The following COL12A1 variants were observed in gnomAD, a reference collection of about 807,000 sequenced individuals.
COL12A1 encodes the protein collagen alpha-1(XII) chain.
COL12A1 carries 114 observed loss-of-function variants against 349.7 expected under a neutral mutation model. That is an observed-to-expected ratio of 0.33 (90% CI 0.28 to 0.38). The LOEUF is 0.38. Among genes scored for constraint, COL12A1 ranks in the 10% least tolerant of loss-of-function variants. The pLI, the probability that COL12A1 is intolerant of heterozygous loss-of-function variation, is 1.00. For synonymous variants in COL12A1, 1,369 were observed against 1,329.0 expected (o/e 1.03, Z -0.66); for missense variants, 3,284 against 3,756.9 (o/e 0.87, Z 3.29).
At chr6:75,130,629 C>T (rs1246629363) in intron 36 of COL12A1, among the ~76,000 whole-genome samples, 1 of 152,028 alleles carries the variant, frequency 6.6e-6, no homozygotes, top group Non-Finnish European at 1.5e-5. Context: ...AGGGGAGAAA[C>T]CCCTCCTTAA....
chr6:75,146,236 G>C lies in COL12A1; in HGVS notation c.4426C>G (p.Pro1476Ala). 1 of 1,597,984 alleles carries C rather than the reference G, an allele frequency of 6.3e-7. No individual in the cohort carries two copies. Among genetic ancestry groups the C allele is most frequent in the Non-Finnish European group, 8.5e-7 (1 of 1,174,446 alleles). ...TCATAAATATTCAGGCTGACTACAGGCACTGGCACTTCCAAAACAGAAAAG... is the reference window on the plus strand; with the variant it reads ...TCATAAATATTCAGGCTGACTACAGCCACTGGCACTTCCAAAACAGAAAAG... ...LKGTEKTLPV[P>A]VVSLNIYDVG... The change falls in exon 24 of 66, where the codon CCT (proline) becomes GCT (alanine). Residue 1476 changes from proline (P) to alanine (A), a missense_variant. Physicochemically the swap from Pro to Ala is conservative, Grantham distance 27. This residue lies in a region of COL12A1 where 2,601 missense variants were observed against 2,824.8 expected (regional missense o/e 0.92). Coordinates refer to ENST00000322507, the MANE Select transcript of COL12A1 (RefSeq NM_004370.6).
intron 51 of COL12A1, among the ~76,000 whole-genome samples, chr6:75,109,742 T>C (rs1298942252): frequency 1.3e-5 from 2 of 152,092 alleles, no homozygotes; most frequent in Non-Finnish European, 2.9e-5. Context: ...GAAGTTTATA[T>C]TGATTTATTT....
chr6:75,177,967 C>A lies in COL12A1; in HGVS notation c.2165-32G>T, dbSNP rs3777509. 142,673 of 1,558,246 alleles carry A rather than the reference C, an allele frequency of 0.092. 9,100 individuals are homozygous for A. Among genetic ancestry groups the A allele is most frequent in the African/African-American group, 0.25 (17,817 of 72,454 alleles). On this transcript the variant is annotated intron_variant, in intron 11 of 65. Transcript: ENST00000322507. Reference sequence around the variant, plus strand: ...TAAAAAAGGAAAAATAGATTTTAAACCATAAATTGACTGACTTTATATGAA... The same window carrying A: ...TAAAAAAGGAAAAATAGATTTTAAAACATAAATTGACTGACTTTATATGAA...
At position 75,090,408 on chromosome 6, in the gene COL12A1, C is replaced by T. The variant is rs1466021983; in HGVS notation, c.8753-110G>A. Reference sequence around the variant, plus strand: ...GAAATCCATCTCCATTCTGCAACCCCTCTAAGGAAACAATCTAATTAGAAT... The same window carrying T: ...GAAATCCATCTCCATTCTGCAACCCTTCTAAGGAAACAATCTAATTAGAAT... On this transcript the variant is annotated intron_variant, in intron 62 of 65. Coordinates refer to ENST00000322507, the MANE Select transcript of COL12A1 (RefSeq NM_004370.6). The surrounding 1 kb of genome is among the most constrained non-coding windows in gnomAD (Gnocchi z 4.1). 5 of 1,019,834 alleles carry T rather than the reference C, an allele frequency of 4.9e-6. No homozygotes were observed. Among genetic ancestry groups the T allele is most frequent in the South Asian group, 1.6e-5 (1 of 61,206 alleles). The allele number at this position is 1,019,834 out of a possible 1,614,324, so 63.2% of individuals were successfully genotyped here. A position where few individuals can be genotyped will look rare whatever the true frequency, so the allele number is the denominator to read the frequency against.
chr6:75,131,993 G>A lies in COL12A1; in HGVS notation c.5884C>T (p.Leu1962=). 6.2e-7 allele frequency: 1 copy of A among 1,614,130 alleles called. No homozygotes were observed. Among genetic ancestry groups the A allele is most frequent in the Non-Finnish European group, 8.5e-7 (1 of 1,179,984 alleles). The change falls in exon 35 of 66, where the codon CTG becomes TTG. Residue 1962 remains leucine, a synonymous_variant. Transcript: ENST00000322507. ...VRWDPAPGPV[L]QYRVVYSPVD... ...GGAGAATACACAACGCGATATTGCA[G>A]CACAGGTCCTGGAGCAGGGTCCCAG...
intron 25 of COL12A1, 134 bp from the exon 26 acceptor site, chr6:75,143,522 T>C (rs1044006248): frequency 2.2e-6 from 2 of 927,636 alleles, no homozygotes; most frequent in African/African-American, 1.7e-5. Flanking sequence ...AAAATGATTA[T>C]GATGATAAAA....
At chr6:75,191,654 T>C in intron 5 of COL12A1, 47 bp downstream of exon 5, 3 of 1,354,380 alleles carry the variant, frequency 2.2e-6, no homozygotes, top group Non-Finnish European at 3.1e-6. Context: ...TATCCTACAT[T>C]TATGACTTCC....
chr6:75,169,891 T>C (rs562590412), intron 13 of COL12A1, among the ~76,000 whole-genome samples: 5 of 152,220 alleles, frequency 3.3e-5, no homozygotes, highest in Non-Finnish European at 7.3e-5. Context: ...CTACTCAGCA[T>C]TTCTGTCCTT....
At chr6:75,098,955 A>G (rs531071165) in intron 58 of COL12A1, among the ~76,000 whole-genome samples, 1 of 152,324 alleles carries the variant, frequency 6.6e-6, no homozygotes, top group South Asian at 2.1e-4. Flanking sequence ...TTCACTCGCA[A>G]CAGCAGATCT....
intron 27 of COL12A1, among the ~76,000 whole-genome samples, chr6:75,140,655 C>CAAAAAAAAAA (rs1236499281): frequency 4.3e-5 from 2 of 46,130 alleles, no homozygotes; most frequent in African/African-American, 1.8e-4. Flanking sequence ...GACTCTGTCT[C>CAAAAAAAAAA]AAAAAAAAAA....
intron 21 of COL12A1, among the ~76,000 whole-genome samples, chr6:75,149,888 T>C (rs1035219457): frequency 6.6e-6 from 1 of 152,070 alleles, no homozygotes; most frequent in African/African-American, 2.4e-5. Context: ...CAAAGTTCTC[T>C]CCAATGGAAT....
At chr6:75,182,256 AACG>A (rs67300993) in intron 10 of COL12A1, among the ~76,000 whole-genome samples, 131,039 of 151,688 alleles carry the variant, frequency 0.86, 57,109 homozygotes, top group Non-Finnish European at 0.93. Flanking sequence ...ACATGTGCAG[AACG>A]TGCAGTTTTG....
At position 75,105,194 on chromosome 6, in the gene COL12A1, C is replaced by A. The variant is rs1254970051; in HGVS notation, c.8265+12G>T. ...AAAGGAAAAACCAGAGGATCTATTT[C>A]AATTTCCTTACTGCAGGGCCTGGAG... On this transcript the variant is annotated intron_variant, in intron 54 of 65. Coordinates refer to ENST00000322507, the MANE Select transcript of COL12A1 (RefSeq NM_004370.6). The A allele has an allele frequency of 1.2e-6, 2 of 1,607,540 alleles. No homozygotes were observed. The highest frequency in any genetic ancestry group is 4.5e-5 in the East Asian group (2 of 44,818).
intron 38 of COL12A1, among the ~76,000 whole-genome samples, 168 bp downstream of exon 38, chr6:75,128,128 G>A (rs943100094): frequency 6.6e-6 from 1 of 152,020 alleles, no homozygotes; most frequent in Non-Finnish European, 1.5e-5. Context: ...CCTTTCACAT[G>A]TCATCATTTT....
At chr6:75,204,809 G>A (rs570358257) in intron 1 of COL12A1, among the ~76,000 whole-genome samples, 2 of 152,136 alleles carry the variant, frequency 1.3e-5, no homozygotes, top group South Asian at 4.2e-4. Context: ...CACCGCGTGC[G>A]CGTCGCCTAC....
intron 8 of COL12A1, among the ~76,000 whole-genome samples, chr6:75,186,704 C>A (rs1289165668): frequency 3.9e-5 from 6 of 152,104 alleles, no homozygotes; most frequent in African/African-American, 1.4e-4. Context: ...ATATCAAACA[C>A]TTGGAATTAA....
At chr6:75,179,316 C>T (rs1485227447) in intron 11 of COL12A1, among the ~76,000 whole-genome samples, 1 of 152,144 alleles carries the variant, frequency 6.6e-6, no homozygotes, top group Non-Finnish European at 1.5e-5. Context: ...AACCCTGAGA[C>T]AAGTCCTCTC....
chr6:75,192,725 T>A (rs1216465688), intron 3 of COL12A1, among the ~76,000 whole-genome samples: 1 of 152,014 alleles, frequency 6.6e-6, no homozygotes, highest in Non-Finnish European at 1.5e-5. Context: ...TAATTTTAAA[T>A]TATGCATTGG....
intron 60 of COL12A1, among the ~76,000 whole-genome samples, chr6:75,093,892 T>A (rs992192863): frequency 1.3e-5 from 2 of 152,202 alleles, no homozygotes; most frequent in Non-Finnish European, 2.9e-5. Flanking sequence ...AATATTCTTA[T>A]ATAAGACACT....
Sources: allele counts gnomAD v4.1 joint callset (sites outside exome capture counted in the v4.1 genomes callset), GRCh38; gene constraint gnomAD v4.1.1; regional missense constraint gnomAD v4.1.1; non-coding constraint Gnocchi (gnomAD v3.1); transcripts MANE v1.5; gene names NCBI Gene and HGNC (gene_info 2026-07-23, HGNC 2026-07-21).